Variants in HBP1 observed in about 807,000 individuals in gnomAD.
HBP1 encodes HMG box-containing protein 1.
A neutral mutation model predicts 62.6 loss-of-function variants in HBP1; 20 were observed. The ratio of observed to expected loss-of-function variants is 0.32; its 90% confidence interval spans 0.22 to 0.46. The LOEUF is 0.46. Ranked by LOEUF, HBP1 falls within the 20% of genes least tolerant of loss-of-function variation. HBP1 has a pLI of 1.00. For synonymous variants in HBP1, 232 were observed against 206.2 expected (o/e 1.12, Z -1.07); for missense variants, 480 against 611.8 (o/e 0.78, Z 2.27).
At chr7:107,174,741 T>C in intron 1 of HBP1, 1 of 979,830 alleles carries the variant, frequency 1.0e-6, no homozygotes, top group African/African-American at 1.7e-5. Context: ...AATTTCATAA[T>C]AAAGGTAAAA....
intron 4 of HBP1, 134 bp downstream of exon 4, chr7:107,186,076 GT>G: frequency 1.6e-6 from 1 of 642,394 alleles, no homozygotes; most frequent in African/African-American, 1.8e-5. Flanking sequence ...TCTGCTATGT[GT>G]TAGGAAAGCT....
chr7:107,170,797 G>C (rs1160319201), intron 1 of HBP1, among the ~76,000 whole-genome samples: 2 of 149,666 alleles, frequency 1.3e-5, no homozygotes, highest in African/African-American at 4.9e-5. Flanking sequence ...TAGTTAAAAG[G>C]GTACCTTCTC....
At position 107,201,572 on chromosome 7, in the gene HBP1, TTAA is replaced by T. The variant is rs1157775438; in HGVS notation, c.*147_*149del. 1.3e-5 allele frequency: 6 copies of T among 476,976 alleles called. No homozygotes were observed. The highest frequency in any genetic ancestry group is 4.0e-5 in the African/African-American group (2 of 50,148). 29.5% of individuals were successfully genotyped at this position (476,976 alleles called of 1,614,324 possible). ...TGATAGCATTGAGTCTTGAAATGAT[TTAA>T]TAATATGAGTGAGGATTTGCTTTCT... On this transcript the variant is annotated 3_prime_UTR_variant, in exon 11 of 11. Transcript: ENST00000222574.
At chr7:107,187,251 C>CA (rs1415862729) in intron 6 of HBP1, among the ~76,000 whole-genome samples, 1 of 146,426 alleles carries the variant, frequency 6.8e-6, no homozygotes, top group Non-Finnish European at 1.5e-5. Flanking sequence ...GACTCTGTCT[C>CA]AAAAAATATA....
intron 9 of HBP1, among the ~76,000 whole-genome samples, chr7:107,198,082 T>C (rs1798014790): frequency 6.6e-6 from 1 of 152,224 alleles, no homozygotes; most frequent in African/African-American, 2.4e-5. Context: ...TCTGTATTTA[T>C]TTCCAATTCT....
Position 107,201,663 on chromosome 7 carries a change from A to G in HBP1, c.*232A>G, listed in dbSNP as rs1410903911. On this transcript the variant is annotated 3_prime_UTR_variant, in exon 11 of 11. Coordinates refer to ENST00000222574, the MANE Select transcript of HBP1 (RefSeq NM_012257.4). The stretch of plus-strand genomic sequence containing the variant: ...ACCAAATTGCCTTATTTTTCTTCCA[A>G]ACTTCATATATGTCTATCAGGTAAT... 7.4e-6 allele frequency: 3 copies of G among 406,438 alleles called. No homozygotes were observed. The highest frequency in any genetic ancestry group is 1.3e-5 in the Non-Finnish European group (3 of 226,754). The allele number at this position is 406,438 out of a possible 1,614,324, so 25.2% of individuals were successfully genotyped here.
rs946488645 is a variant in HBP1, at chr7:107,186,156, C to CTTTTTTTTTTT, written c.541-196_541-195insTTTTTTTTTTT. On this transcript the variant is annotated intron_variant, in intron 4 of 10. Coordinates refer to ENST00000222574, the MANE Select transcript of HBP1 (RefSeq NM_012257.4). ...TTTGTTTTGTGTGTGTCTTTTTTTT[C>CTTTTTTTTTTT]TTTTTTTTTCTTTTTTTTTTTTTTT... Among the ~76,000 whole-genome samples, 474 of 127,022 alleles carry CTTTTTTTTTTT rather than the reference C, an allele frequency of 3.7e-3. 9 individuals are homozygous for CTTTTTTTTTTT. The highest frequency in any genetic ancestry group is 5.8e-3 in the Non-Finnish European group (346 of 60,062). 83.3% of individuals were successfully genotyped at this position (127,022 alleles called of 152,430 possible).
rs28529034 is a variant in HBP1 at position 107,173,083 on chromosome 7, G to A, written c.-16+3898G>A. On this transcript the variant is annotated intron_variant, in intron 1 of 10. Transcript: ENST00000222574. ...ACAAATACCTGTGAAATCTTTTGAA[G>A]TTTTGTTGAAAATACTCTAAAAGAA... 1.6e-3 allele frequency among the ~76,000 whole-genome samples: 244 copies of A among 152,302 alleles called. 1 individual carries two copies. Among genetic ancestry groups the A allele is most frequent in the African/African-American group, 5.7e-3 (237 of 41,550 alleles).
chr7:107,192,283 C>CG (rs1797686831), intron 8 of HBP1, among the ~76,000 whole-genome samples: 1 of 151,980 alleles, frequency 6.6e-6, no homozygotes, highest in Non-Finnish European at 1.5e-5. Flanking sequence ...TGGGACCCCT[C>CG]AAAATCCAAG....
intron 9 of HBP1, among the ~76,000 whole-genome samples, chr7:107,198,333 T>C (rs190149645): frequency 6.6e-6 from 1 of 152,026 alleles, no homozygotes; most frequent in Admixed American, 6.5e-5. Flanking sequence ...CCTCAGCCTC[T>C]GAGCAGCTTG....
intron 1 of HBP1, among the ~76,000 whole-genome samples, chr7:107,176,187 G>A (rs1796843190): frequency 6.6e-6 from 1 of 151,814 alleles, no homozygotes; most frequent in African/African-American, 2.4e-5. Flanking sequence ...CACCATACCT[G>A]GCTAATTCTT....
intron 2 of HBP1, 136 bp from the exon 3 acceptor site, chr7:107,182,237 A>G (rs1240116637): frequency 3.3e-6 from 2 of 613,154 alleles, no homozygotes; most frequent in Non-Finnish European, 5.8e-6. Context: ...GTCTGTGAAC[A>G]GAATGTTAAA....
intron 9 of HBP1, chr7:107,197,232 C>T (rs1216855155): frequency 6.6e-6 from 1 of 152,156 alleles, no homozygotes; most frequent in African/African-American, 2.4e-5. Flanking sequence ...AGTCTTTGTA[C>T]CCTGAGGATC....
intron 6 of HBP1, among the ~76,000 whole-genome samples, chr7:107,187,929 T>G (rs958011824): frequency 2.6e-5 from 4 of 152,114 alleles, no homozygotes; most frequent in African/African-American, 9.7e-5. Context: ...CCAGTTCCTC[T>G]CTCCTGATAA....
chr7:107,182,722 T>C, intron 3 of HBP1, 121 bp downstream of exon 3: 1 of 587,256 alleles, frequency 1.7e-6, no homozygotes, highest in Non-Finnish European at 3.0e-6. Context: ...GTCATTAGAA[T>C]TAAGCTCCTT....
chr7:107,190,658 A>G (rs1797608456), intron 8 of HBP1, among the ~76,000 whole-genome samples: 1 of 152,204 alleles, frequency 6.6e-6, no homozygotes, highest in Non-Finnish European at 1.5e-5. Flanking sequence ...TTGTTCTTAA[A>G]CAGCTTATAA....
chr7:107,174,024 G>A (rs888123431), intron 1 of HBP1, among the ~76,000 whole-genome samples: 2 of 152,178 alleles, frequency 1.3e-5, no homozygotes, highest in Non-Finnish European at 2.9e-5. Context: ...TTCCTTTATT[G>A]TATTGGAGAC....
rs1257952640 is a variant in HBP1, at chr7:107,169,802, C to T, written c.-16+617C>T. ...ACAAGCCCGGAGTCCGGGCTGCGGT[C>T]ACATGATGGGGGGAAGGGAGGGGAA... On this transcript the variant is annotated intron_variant, in intron 1 of 10. Coordinates refer to ENST00000222574, the MANE Select transcript of HBP1 (RefSeq NM_012257.4). 4 of 982,106 alleles carry T rather than the reference C, an allele frequency of 4.1e-6. No individual in the cohort carries two copies. The African/African-American group carries it at 5.4e-5, about 13-fold the overall frequency. 60.8% of individuals were successfully genotyped at this position (982,106 alleles called of 1,614,324 possible). A position where few individuals can be genotyped will look rare whatever the true frequency, so the allele number is the denominator to read the frequency against.
intron 8 of HBP1, among the ~76,000 whole-genome samples, chr7:107,192,370 C>T (rs533193887): frequency 6.8e-4 from 104 of 152,012 alleles, no homozygotes; most frequent in African/African-American, 2.5e-3. Flanking sequence ...TAATGAAACA[C>T]TGTATCTTAT....
Sources: gnomAD v4.1 joint callset for allele counts (sites outside exome capture counted in the v4.1 genomes callset) on GRCh38, gnomAD v4.1.1 for gene constraint, MANE v1.5 for transcripts, NCBI Gene and HGNC (gene_info 2026-07-23, HGNC 2026-07-21) for gene names.